The following RCC1 variants were observed in gnomAD, a reference collection of about 807,000 sequenced individuals.
The protein encoded by RCC1 is regulator of chromosome condensation.
In RCC1, 11 loss-of-function variants were observed where a neutral mutation model predicts 44.4. The ratio of observed to expected loss-of-function variants is 0.25; its 90% CI spans 0.16 to 0.41. RCC1 has a LOEUF of 0.41. Ranked by LOEUF, RCC1 falls within the 10% of genes least tolerant of loss-of-function variation. The probability of loss-of-function intolerance (pLI) is 1.00; values close to 1 mark genes in which losing one functional copy is unlikely to be tolerated. For missense variants in RCC1, 386 were observed against 547.1 expected, an observed-to-expected ratio of 0.71 and a Z score of 2.94; for synonymous variants, 213 against 216.5, an observed-to-expected ratio of 0.98 and a Z score of 0.14.
intron 7 of RCC1, 44 bp downstream of exon 7, chr1:28,532,394 A>G: frequency 5.0e-6 from 8 of 1,602,314 alleles, no homozygotes; most frequent in Non-Finnish European, 6.8e-6. Context: ...GAAAGACAGA[A>G]TTAATTGGCG....
intron 4 of RCC1, chr1:28,527,221 G>T: frequency 1.2e-6 from 1 of 827,496 alleles, no homozygotes. Context: ...TCCCACAGCA[G>T]CCGCGATCTT....
intron 4 of RCC1, among the ~76,000 whole-genome samples, chr1:28,529,332 C>T (rs1016034090): frequency 1.3e-5 from 2 of 151,210 alleles, no homozygotes; most frequent in Non-Finnish European, 2.9e-5. Context: ...TACAGGTGCC[C>T]ATCACTGTGC....
intron 3 of RCC1, among the ~76,000 whole-genome samples, chr1:28,514,306 C>T (rs1164614515): frequency 2.0e-5 from 3 of 151,996 alleles, no homozygotes; most frequent in East Asian, 1.9e-4. Context: ...AAAAATTAGC[C>T]GGGCGTGGTG....
At chr1:28,510,905 G>A (rs1662486807) in intron 3 of RCC1, 1 of 152,176 alleles carries the variant, frequency 6.6e-6, no homozygotes, top group Non-Finnish European at 1.5e-5. Flanking sequence ...AGTGGTTTTA[G>A]TATGTTTTCA....
At chr1:28,508,288 CAG>C (rs1052264401) in intron 2 of RCC1, 128 bp downstream of exon 2, 7 of 357,308 alleles carry the variant, frequency 2.0e-5, no homozygotes, top group South Asian at 6.1e-5. Flanking sequence ...TAATCATTCT[CAG>C]AGCAATAGCC....
At chr1:28,507,695 G>A (rs1487952476) in intron 1 of RCC1, 2 of 364,708 alleles carry the variant, frequency 5.5e-6, no homozygotes, top group African/African-American at 2.2e-5. Context: ...CCGGGTTCAA[G>A]TGATTATGCT....
At chr1:28,506,125 C>T (rs997302955) in intron 1 of RCC1, 41 bp downstream of exon 1, 2 of 454,856 alleles carry the variant, frequency 4.4e-6, no homozygotes, top group African/African-American at 4.0e-5. Flanking sequence ...ATGCTTGCCA[C>T]CGGAGTTGTG....
At chr1:28,511,976 CTTTTTT>C (rs36018995) in intron 3 of RCC1, among the ~76,000 whole-genome samples, 4 of 99,496 alleles carry the variant, frequency 4.0e-5, no homozygotes, top group East Asian at 2.6e-4. Context: ...AAGCCTGATC[CTTTTTT>C]TTTTTTTTTT....
chr1:28,518,510 G>GCGGCGGCTGGGCGCTC (rs1230547159), intron 4 of RCC1: 3 of 146,482 alleles, frequency 2.0e-5, no homozygotes, highest in East Asian at 2.0e-4. Context: ...GGGCGCTCCA[G>GCGGCGGCTGGGCGCTC]CAGCGGCTGG....
intron 7 of RCC1, 55 bp downstream of exon 7, chr1:28,532,405 G>T: frequency 6.3e-7 from 1 of 1,589,334 alleles, no homozygotes; most frequent in Non-Finnish European, 8.6e-7. Flanking sequence ...TTAATTGGCG[G>T]GGCCCCAAAG....
intron 3 of RCC1, among the ~76,000 whole-genome samples, chr1:28,514,803 G>A (rs901341314): frequency 5.3e-5 from 8 of 151,370 alleles, no homozygotes; most frequent in Admixed American, 3.3e-4. Flanking sequence ...AGTGGCTCAC[G>A]CCTGTAATCC....
rs1026405214 is a variant in RCC1, at chr1:28,508,165, G to A, written c.-229+5G>A. 1.1e-5 allele frequency: 5 copies of A among 443,594 alleles called. No individual in the cohort carries two copies. The highest frequency in any genetic ancestry group is 8.0e-5 in the African/African-American group (4 of 49,850). The allele number at this position is 443,594 out of a possible 1,614,324, so 27.5% of individuals were successfully genotyped here. Reference sequence around the variant, plus strand: ...ATTCCAAGTAACTCTTATTTGGTGAGTAAATCTGCTAATTGTTTTTTGCTT... The same window carrying A: ...ATTCCAAGTAACTCTTATTTGGTGAATAAATCTGCTAATTGTTTTTTGCTT... On this transcript the variant is annotated splice_donor_5th_base_variant and intron_variant, in intron 2 of 12. Coordinates refer to ENST00000683442, the MANE Select transcript of RCC1 (RefSeq NM_001381865.2).
At position 28,508,914 on chromosome 1, in the gene RCC1, ATTTT is replaced by A. The variant is rs199555587; in HGVS notation, c.-153+17_-153+20del. ...TATAGAAGGGAGAGTAGGTAAACTG[ATTTT>A]TTTTTTTAACAGGGAGGGTTTGACA... On this transcript the variant is annotated intron_variant, in intron 3 of 12. Coordinates refer to ENST00000683442, the MANE Select transcript of RCC1 (RefSeq NM_001381865.2). 2.3e-5 allele frequency: 10 copies of A among 442,144 alleles called. No individual in the cohort carries two copies. The highest frequency in any genetic ancestry group is 1.1e-4 in the Admixed American group (5 of 43,806). The allele number at this position is 442,144 out of a possible 1,614,324, so 27.4% of individuals were successfully genotyped here.
chr1:28,525,602 G>A (rs1663595514), intron 4 of RCC1, among the ~76,000 whole-genome samples: 3 of 152,168 alleles, frequency 2.0e-5, no homozygotes, highest in South Asian at 2.1e-4. Context: ...CAAAAGACAG[G>A]TGGGAGGATT....
At chr1:28,526,855 C>A in intron 4 of RCC1, 1 of 645,300 alleles carries the variant, frequency 1.5e-6, no homozygotes. Flanking sequence ...CGAGATCGTG[C>A]CACTGCACTC....
rs894877164 is a variant in RCC1 at position 28,535,748 on chromosome 1, T to C, written c.662-123T>C. On this transcript the variant is annotated intron_variant, in intron 9 of 12. Transcript: ENST00000683442. ...GATCTCAGTTTCCTTTTCTATAAAA[T>C]AGGGATAAGAGTCCCTACTTAGCCT... The C allele has an allele frequency of 6.6e-6, 7 of 1,061,434 alleles. No individual in the cohort carries two copies. In the Admixed American group the frequency reaches 9.4e-5, roughly 14 times the overall value. The allele number at this position is 1,061,434 out of a possible 1,614,324, so 65.8% of individuals were successfully genotyped here. A position where few individuals can be genotyped will look rare whatever the true frequency, so the allele number is the denominator to read the frequency against.
chr1:28,531,892 A>G lies in RCC1; in HGVS notation c.163A>G (p.Met55Val). The change falls in exon 6 of 13, where the codon ATG becomes GTG. Residue 55 changes from methionine to valine, a missense_variant. Transcript: ENST00000683442. ...CCAGCTGGGGCTGGGTGAGAATGTGATGGAGAGGAAGAAGCCGGCCCTGGT... is the reference window on the plus strand; with the variant it reads ...CCAGCTGGGGCTGGGTGAGAATGTGGTGGAGAGGAAGAAGCCGGCCCTGGT... ...VGQLGLGENV[M>V]ERKKPALVSI... 1 of 1,609,078 alleles carries G rather than the reference A, an allele frequency of 6.2e-7. No individual in the cohort carries two copies.
At chr1:28,531,259 C>CTTTTTTTTTTTTTTTTTTTTTTT (rs769808394) in intron 5 of RCC1, among the ~76,000 whole-genome samples, 2 of 132,452 alleles carry the variant, frequency 1.5e-5, no homozygotes. Context: ...GCTTTCTTTT[C>CTTTTTTTTTTTTTTTTTTTTTTT]TTTTTCTTTT....
rs1664546374 is a variant in RCC1 at position 28,536,194 on chromosome 1, T to G, written c.818-68T>G. 6.3e-7 allele frequency: 1 copy of G among 1,588,028 alleles called. No individual in the cohort carries two copies. Among genetic ancestry groups the G allele is most frequent in the East Asian group, 2.2e-5 (1 of 44,746 alleles). Reference sequence around the variant, plus strand: ...ATCCTGATGGGAGGTGGCCTCACTGTGGGAGGAGATTGAGAAGGGCAGCTC... The same window carrying G: ...ATCCTGATGGGAGGTGGCCTCACTGGGGGAGGAGATTGAGAAGGGCAGCTC... On this transcript the variant is annotated intron_variant, in intron 10 of 12. Coordinates refer to ENST00000683442, the MANE Select transcript of RCC1 (RefSeq NM_001381865.2). The surrounding 1 kb of genome is among the most constrained non-coding windows in gnomAD (Gnocchi z 4.9).
Sources: gnomAD v4.1 joint callset for allele counts (sites outside exome capture counted in the v4.1 genomes callset) on GRCh38, gnomAD v4.1.1 for gene constraint, Gnocchi (gnomAD v3.1) non-coding constraint, MANE v1.5 for transcripts, NCBI Gene and HGNC (gene_info 2026-07-23, HGNC 2026-07-21) for gene names.